NCAM2: variants seen among roughly 807,000 people sequenced by gnomAD.
NCAM2 encodes the protein neural cell adhesion molecule 2.
Under a neutral mutation model 98.1 loss-of-function variants are expected in NCAM2, and 30 were observed. The ratio of observed to expected loss-of-function variants is 0.31; its 90% confidence interval spans 0.23 to 0.41. The LOEUF (loss-of-function observed/expected upper bound fraction) is 0.41. NCAM2 is among the 10% of genes least tolerant of loss of function. The probability of loss-of-function intolerance (pLI) is 1.00; values close to 1 mark genes in which losing one functional copy is unlikely to be tolerated. For synonymous variants in NCAM2, 368 were observed against 342.4 expected, an observed-to-expected ratio of 1.07 and a Z score of -0.83; for missense variants, 867 against 1,005.8, an observed-to-expected ratio of 0.86 and a Z score of 1.87.
chr21:21,457,855 C>T (rs1342841841), intron 12 of NCAM2, among the ~76,000 whole-genome samples: 1 of 152,126 alleles, frequency 6.6e-6, no homozygotes, highest in East Asian at 1.9e-4. Context: ...AAAAAGGATG[C>T]AGAACTTTTT....
chr21:21,122,982 T>A (rs1307324495), intron 1 of NCAM2, among the ~76,000 whole-genome samples: 2 of 152,222 alleles, frequency 1.3e-5, no homozygotes, highest in African/African-American at 2.4e-5. Context: ...TTCTTCCTTA[T>A]TGAAACAGCA....
chr21:21,076,753 C>A (rs192768052), intron 1 of NCAM2, among the ~76,000 whole-genome samples: 104 of 152,236 alleles, frequency 6.8e-4, no homozygotes, highest in Non-Finnish European at 1.1e-3. Flanking sequence ...AAAAAATGCT[C>A]AGTGAAAATA....
At chr21:21,121,039 A>G (rs1447721891) in intron 1 of NCAM2, among the ~76,000 whole-genome samples, 1 of 152,116 alleles carries the variant, frequency 6.6e-6, no homozygotes, top group East Asian at 1.9e-4. Flanking sequence ...TGTACACTGC[A>G]AATGTCTTTA....
At chr21:21,386,252 T>C (rs1369516457) in intron 9 of NCAM2, among the ~76,000 whole-genome samples, 1 of 152,174 alleles carries the variant, frequency 6.6e-6, no homozygotes, top group African/African-American at 2.4e-5. Flanking sequence ...GTGAACATAA[T>C]TTAAACATAT....
intron 1 of NCAM2, among the ~76,000 whole-genome samples, chr21:21,194,074 C>T (rs1342747898): frequency 6.6e-6 from 1 of 152,094 alleles, no homozygotes; most frequent in Non-Finnish European, 1.5e-5. Flanking sequence ...ATGACACGTA[C>T]AACCTACATT....
chr21:21,040,780 G>A (rs981293336), intron 1 of NCAM2, among the ~76,000 whole-genome samples: 3 of 152,128 alleles, frequency 2.0e-5, no homozygotes, highest in African/African-American at 7.2e-5. Flanking sequence ...ATGTAGGTGG[G>A]TGGGGTGATA....
intron 1 of NCAM2, among the ~76,000 whole-genome samples, chr21:21,244,965 C>A (rs912801235): frequency 6.6e-6 from 1 of 151,586 alleles, no homozygotes; most frequent in Admixed American, 6.6e-5. Flanking sequence ...ACACACAGAA[C>A]CAGAAGTCCG....
intron 8 of NCAM2, among the ~76,000 whole-genome samples, chr21:21,354,231 A>G (rs571070435): frequency 1.3e-5 from 2 of 152,270 alleles, no homozygotes; most frequent in Non-Finnish European, 2.9e-5. Flanking sequence ...ATAGACCTAC[A>G]TCCACTAGAA....
chr21:21,207,592 G>A (rs2069491458), intron 1 of NCAM2, among the ~76,000 whole-genome samples: 1 of 152,056 alleles, frequency 6.6e-6, no homozygotes, highest in South Asian at 2.1e-4. Context: ...AGGACACAAA[G>A]TTATTGATGG....
chr21:21,124,799 T>C (rs1221791562), intron 1 of NCAM2, among the ~76,000 whole-genome samples: 1 of 152,160 alleles, frequency 6.6e-6, no homozygotes, highest in Non-Finnish European at 1.5e-5. Context: ...CTGCTTCTCT[T>C]ATGAAGAGTC....
chr21:21,471,746 A>G (rs1358705500), intron 14 of NCAM2, among the ~76,000 whole-genome samples: 1 of 152,048 alleles, frequency 6.6e-6, no homozygotes, highest in African/African-American at 2.4e-5. Flanking sequence ...AAGAATAGCT[A>G]TATCCTATTA....
chr21:21,358,989 G>A (rs556172461), intron 8 of NCAM2, among the ~76,000 whole-genome samples: 33 of 152,062 alleles, frequency 2.2e-4, no homozygotes, highest in African/African-American at 7.9e-4. Flanking sequence ...GGAAAGCCAA[G>A]GTTATTTGGA....
chr21:21,038,262 G>A (rs2064836831), intron 1 of NCAM2, among the ~76,000 whole-genome samples: 2 of 152,050 alleles, frequency 1.3e-5, no homozygotes, highest in Admixed American at 6.6e-5. Context: ...CTGAAATTTT[G>A]TATATAAAAG....
rs141504614 is a variant in NCAM2 at position 21,160,308 on chromosome 21, A to G, written c.56-120270A>G. On this transcript the variant is annotated intron_variant, in intron 1 of 17. Transcript: ENST00000400546. Reference sequence around the variant, plus strand: ...CTATATGCTTCTATAATATATAATTATCTATATACTTCTTTAATATAAATA... The same window carrying G: ...CTATATGCTTCTATAATATATAATTGTCTATATACTTCTTTAATATAAATA... Among the ~76,000 whole-genome samples the G allele has an allele frequency of 1.0e-3, 152 of 152,016 alleles. No homozygotes were observed. In the East Asian group the frequency reaches 0.025, roughly 25 times the overall value.
chr21:21,111,661 T>G (rs940906937), intron 1 of NCAM2, among the ~76,000 whole-genome samples: 5 of 152,310 alleles, frequency 3.3e-5, no homozygotes, highest in East Asian at 3.9e-4. Context: ...AGAAGCAAGA[T>G]GCTTGGTAGA....
intron 1 of NCAM2, among the ~76,000 whole-genome samples, chr21:21,259,467 C>G (rs900658752): frequency 1.3e-5 from 2 of 151,206 alleles, no homozygotes; most frequent in African/African-American, 4.8e-5. Context: ...CTCTTGAGAC[C>G]TCAGTACACC....
chr21:21,480,452 G>A (rs1985774040), intron 15 of NCAM2, among the ~76,000 whole-genome samples: 1 of 151,048 alleles, frequency 6.6e-6, no homozygotes, highest in Non-Finnish European at 1.5e-5. Context: ...ATGCAGGAAT[G>A]AACTTTCCAG....
chr21:21,263,461 G>T (rs2072001402), intron 1 of NCAM2, among the ~76,000 whole-genome samples: 1 of 151,900 alleles, frequency 6.6e-6, no homozygotes, highest in South Asian at 2.1e-4. Flanking sequence ...CAAATTCAAT[G>T]AAATTCATAT....
At chr21:21,405,301 T>C (rs1402057717) in intron 9 of NCAM2, among the ~76,000 whole-genome samples, 2 of 152,178 alleles carry the variant, frequency 1.3e-5, no homozygotes, top group Non-Finnish European at 2.9e-5. Flanking sequence ...CCAAACACGT[T>C]AGTATTAACA....
Sources: gnomAD v4.1 joint callset for allele counts (sites outside exome capture counted in the v4.1 genomes callset) on GRCh38, gnomAD v4.1.1 for gene constraint, MANE v1.5 for transcripts, NCBI Gene and HGNC (gene_info 2026-07-23, HGNC 2026-07-21) for gene names.